The following NUP93 variants were observed in gnomAD, a reference collection of about 807,000 sequenced individuals.
NUP93 encodes nucleoporin 93, also known as nuclear pore complex protein Nup93.
A neutral mutation model predicts 107.8 loss-of-function variants in NUP93; 55 were observed. The ratio of observed to expected loss-of-function variants is 0.51; its 90% CI spans 0.41 to 0.64. The LOEUF (loss-of-function observed/expected upper bound fraction) is 0.64. NUP93 is among the 30% of genes least tolerant of loss of function. The pLI is 0.00. For missense variants in NUP93, 937 were observed against 1,044.7 expected, an observed-to-expected ratio of 0.90 and a Z score of 1.42; for synonymous variants, 390 against 397.5, an observed-to-expected ratio of 0.98 and a Z score of 0.22.
At chr16:56,838,792 T>C (rs1963961941) in intron 18 of NUP93, among the ~76,000 whole-genome samples, 160 bp from the exon 19 acceptor site, 1 of 152,174 alleles carries the variant, frequency 6.6e-6, no homozygotes, top group African/African-American at 2.4e-5. Context: ...CACTGACTCC[T>C]GGCCTCAAGC....
intron 3 of NUP93, among the ~76,000 whole-genome samples, chr16:56,760,536 C>T (rs1444453800): frequency 2.6e-5 from 4 of 152,082 alleles, no homozygotes; most frequent in Non-Finnish European, 5.9e-5. Flanking sequence ...TGGGAGCTTG[C>T]ACGTCACATG....
At chr16:56,734,699 A>G (rs897132026) in intron 1 of NUP93, among the ~76,000 whole-genome samples, 28 of 152,360 alleles carry the variant, frequency 1.8e-4, no homozygotes, top group African/African-American at 6.5e-4. Flanking sequence ...TGACTCATGT[A>G]TATATGAATA....
chr16:56,756,152 G>T (rs1255342517), intron 2 of NUP93, among the ~76,000 whole-genome samples: 4 of 151,822 alleles, frequency 2.6e-5, no homozygotes, highest in Non-Finnish European at 4.4e-5. Context: ...TTTACTTTAA[G>T]TTCCGGGATA....
Position 56,753,863 on chromosome 16 carries a change from GC to G in NUP93, c.180-4674del, listed in dbSNP as rs559704402. On this transcript the variant is annotated intron_variant, in intron 2 of 21. Coordinates refer to ENST00000308159, the MANE Select transcript of NUP93 (RefSeq NM_014669.5). The stretch of plus-strand genomic sequence containing the variant: ...TTAGGCAATATCTTGGCTATAACAA[GC>G]ATATTTGTTGATAGAGAAAAATAGG... 2.4e-3 allele frequency among the ~76,000 whole-genome samples: 372 copies of G among 152,188 alleles called. 1 individual carries two copies. Among genetic ancestry groups the G allele is most frequent in the South Asian group, 3.5e-3 (17 of 4,820 alleles).
In NUP93 at chr16:56,841,803, G is replaced by T; in HGVS notation, c.2319G>T (p.Arg773Ser). The T allele has an allele frequency of 6.2e-7, 1 of 1,614,158 alleles. No individual in the cohort carries two copies. Among genetic ancestry groups the T allele is most frequent in the Non-Finnish European group, 8.5e-7 (1 of 1,180,010 alleles). ...GGACAAGTCCATCCTCGTCATCCAGGCCCCAGCGAGTCATCGAGGACCGCG... is the reference window on the plus strand; with the variant it reads ...GGACAAGTCCATCCTCGTCATCCAGTCCCCAGCGAGTCATCGAGGACCGCG... Reference protein sequence around the residue: ...LKGTSPSSSSRPQRVIEDRDS... With the variant: ...LKGTSPSSSSSPQRVIEDRDS... Residue 773 changes from arginine (R) to serine (S), a missense_variant, in exon 21 of 22, where the codon AGG (arginine) becomes AGT (serine). Transcript: ENST00000308159.
intron 5 of NUP93, among the ~76,000 whole-genome samples, chr16:56,806,085 A>G (rs1297513015): frequency 6.7e-6 from 1 of 148,608 alleles, no homozygotes; most frequent in Non-Finnish European, 1.5e-5. Context: ...TGTGTGTCTC[A>G]TTGCCCTCAC....
chr16:56,813,790 ACTT>A (rs1963363705), intron 5 of NUP93, among the ~76,000 whole-genome samples: 1 of 152,168 alleles, frequency 6.6e-6, no homozygotes, highest in Non-Finnish European at 1.5e-5. Context: ...ATATTTTACA[ACTT>A]CTCCTAGGTT....
chr16:56,783,929 A>G (rs1962569937), intron 3 of NUP93: 1 of 963,134 alleles, frequency 1.0e-6, no homozygotes, highest in South Asian at 4.8e-5. Flanking sequence ...CTTTTGGTTG[A>G]ATATGCAAAA....
chr16:56,842,555 CTT>C (rs5817078), intron 21 of NUP93: 18,721 of 394,462 alleles, frequency 0.047, no homozygotes, highest in East Asian at 0.09. Flanking sequence ...ATGGTGTTTG[CTT>C]TTTTTTTTTT....
intron 1 of NUP93, among the ~76,000 whole-genome samples, chr16:56,742,527 CT>C (rs1176045840): frequency 6.6e-6 from 1 of 152,174 alleles, no homozygotes; most frequent in African/African-American, 2.4e-5. Flanking sequence ...TTATCTATGC[CT>C]GCTTTCAAGC....
rs1295333719 is a variant in NUP93, at chr16:56,838,996, C to T, written c.2063C>T (p.Thr688Met). The change falls in exon 19 of 22, where the codon ACG becomes ATG. Residue 688 changes from threonine to methionine, a missense_variant. Transcript: ENST00000308159. ...AGCGCAAATAAATTTGTGGACTCCA[C>T]GTTCTATCTTCTTTTGGACTTGATC... ...GISANKFVDS[T>M]FYLLLDLITF... The T allele has an allele frequency of 4.3e-6, 7 of 1,613,986 alleles. No individual in the cohort carries two copies. The highest frequency in any genetic ancestry group is 1.3e-5 in the African/African-American group (1 of 74,912).
Position 56,827,227 on chromosome 16 carries a change from TG to T in NUP93, c.795-1747del, listed in dbSNP as rs1963686826. ...AAAGTTATTACATTAACCACATATT[TG>T]GGTATCTGTGAATTGGACTATTTAA... On this transcript the variant is annotated intron_variant, in intron 8 of 21. Transcript: ENST00000308159. Among the ~76,000 whole-genome samples, 5 of 152,232 alleles carry T rather than the reference TG, an allele frequency of 3.3e-5. No individual in the cohort carries two copies. In the South Asian group the frequency reaches 1.0e-3, roughly 32 times the overall value.
chr16:56,787,742 A>C (rs1962659737), intron 3 of NUP93, among the ~76,000 whole-genome samples: 3 of 152,170 alleles, frequency 2.0e-5, no homozygotes, highest in African/African-American at 7.2e-5. Context: ...TTTATACTGC[A>C]GTGCGGTTTT....
intron 2 of NUP93, among the ~76,000 whole-genome samples, chr16:56,751,706 C>A (rs1051448094): frequency 1.2e-4 from 19 of 152,114 alleles, no homozygotes; most frequent in African/African-American, 4.6e-4. Flanking sequence ...AGACTTGAAC[C>A]CAGGCCTCCT....
At chr16:56,772,099 T>C (rs764876535) in intron 3 of NUP93, among the ~76,000 whole-genome samples, 10 of 152,204 alleles carry the variant, frequency 6.6e-5, no homozygotes, top group Non-Finnish European at 1.0e-4. Flanking sequence ...CTCTGCCACC[T>C]GTCCCCTTGC....
chr16:56,769,108 C>T (rs1475090403), intron 3 of NUP93, among the ~76,000 whole-genome samples: 1 of 152,120 alleles, frequency 6.6e-6, no homozygotes, highest in Non-Finnish European at 1.5e-5. Context: ...TGATTTGAGT[C>T]CAATACTGTG....
At chr16:56,798,228 TG>T (rs1359092610) in intron 3 of NUP93, among the ~76,000 whole-genome samples, 11 of 152,352 alleles carry the variant, frequency 7.2e-5, no homozygotes, top group African/African-American at 2.4e-4. Flanking sequence ...TACATGTTTA[TG>T]GGATATAGAA....
rs747651772 is a variant in NUP93 at position 56,794,927 on chromosome 16, C to CAAA, written c.298-3519_298-3517dup. 3.8e-3 allele frequency among the ~76,000 whole-genome samples: 271 copies of CAAA among 71,956 alleles called. 1 individual carries two copies. Among genetic ancestry groups the CAAA allele is most frequent in the Non-Finnish European group, 5.1e-3 (207 of 40,660 alleles). The allele number at this position is 71,956 out of a possible 152,430, so 47.2% of individuals were successfully genotyped here. Reference sequence around the variant, plus strand: ...TGGGCGACAGAGCGAGACTCTGTCTCAAAAAAAAAAAAAAAAAAAAAAAAA... The same window carrying CAAA: ...TGGGCGACAGAGCGAGACTCTGTCTCAAAAAAAAAAAAAAAAAAAAAAAAAAAA... On this transcript the variant is annotated intron_variant, in intron 3 of 21. Coordinates refer to ENST00000308159, the MANE Select transcript of NUP93 (RefSeq NM_014669.5).
intron 8 of NUP93, among the ~76,000 whole-genome samples, chr16:56,828,648 G>A (rs1368923417): frequency 1.3e-5 from 2 of 152,168 alleles, no homozygotes; most frequent in African/African-American, 4.8e-5. Context: ...AAAATAAAAA[G>A]TTTAACAAGA....
Sources: allele counts gnomAD v4.1 joint callset (sites outside exome capture counted in the v4.1 genomes callset), GRCh38; gene constraint gnomAD v4.1.1; transcripts MANE v1.5; gene names NCBI Gene and HGNC (gene_info 2026-07-23, HGNC 2026-07-21).